The following ARNT2 variants were observed in gnomAD, a reference collection of about 807,000 sequenced individuals.
ARNT2 encodes ARNT protein 2.
In ARNT2, 36 loss-of-function variants were observed where a neutral mutation model predicts 91.7. The observed-to-expected ratio is 0.39, with a 90% confidence interval of 0.30 to 0.52. The LOEUF is 0.52. Ranked by LOEUF, ARNT2 falls within the 20% of genes least tolerant of loss-of-function variation. ARNT2 has a pLI of 0.72. For synonymous variants in ARNT2, 365 were observed against 347.1 expected (o/e 1.05, Z -0.57); for missense variants, 775 against 939.3 (o/e 0.83, Z 2.29).
intron 5 of ARNT2, among the ~76,000 whole-genome samples, chr15:80,497,026 G>T (rs895937500): frequency 3.9e-5 from 6 of 152,176 alleles, no homozygotes; most frequent in African/African-American, 1.4e-4. Context: ...CTTTCACAAC[G>T]TTTGTAATCC....
rs574457092 is a variant in ARNT2, at chr15:80,576,860, TC to T, written c.1514-4del. 1.8e-4 allele frequency: 294 copies of T among 1,614,004 alleles called. No individual in the cohort carries two copies. In the African/African-American group the frequency reaches 3.6e-3, roughly 20 times the overall value. ...TCGCATGTGACTCCTGCTCTGGTTT[TC>T]CTAGCGGAGAAGAAGATGATGAGCT... On this transcript the variant is annotated splice_region_variant and splice_polypyrimidine_tract_variant and intron_variant, in intron 14 of 18. Transcript: ENST00000303329.
intron 5 of ARNT2, among the ~76,000 whole-genome samples, chr15:80,496,386 C>T (rs1595986354): frequency 6.6e-6 from 1 of 152,220 alleles, no homozygotes; most frequent in South Asian, 2.1e-4. Context: ...GAGTTTGACA[C>T]AGCCTGTAAC....
intron 1 of ARNT2, among the ~76,000 whole-genome samples, chr15:80,450,045 A>G (rs1308307459): frequency 6.6e-6 from 1 of 152,154 alleles, no homozygotes; most frequent in African/African-American, 2.4e-5. Flanking sequence ...AGGGTGCCTG[A>G]GCTTAGGAGC....
chr15:80,506,322 A>T (rs114476394), intron 5 of ARNT2, among the ~76,000 whole-genome samples: 30 of 152,374 alleles, frequency 2.0e-4, no homozygotes, highest in African/African-American at 5.8e-4. Flanking sequence ...GTGGTCTTGC[A>T]TGCTAGGAGA....
At chr15:80,558,765 G>A (rs1348424477) in intron 11 of ARNT2, among the ~76,000 whole-genome samples, 1 of 152,236 alleles carries the variant, frequency 6.6e-6, no homozygotes, top group Non-Finnish European at 1.5e-5. Flanking sequence ...GGAAAAATGT[G>A]AAATTGGAAT....
chr15:80,563,324 T>G (rs1898405358), intron 12 of ARNT2, 85 bp downstream of exon 12: 1 of 1,534,858 alleles, frequency 6.5e-7, no homozygotes, highest in South Asian at 1.2e-5. Context: ...GAGTTCTTTC[T>G]CCCTGCCGGC....
At chr15:80,412,038 G>T (rs1567173085) in intron 1 of ARNT2, among the ~76,000 whole-genome samples, 1 of 152,194 alleles carries the variant, frequency 6.6e-6, no homozygotes, top group African/African-American at 2.4e-5. Context: ...CACCCCAACA[G>T]CATTCAGGAA....
chr15:80,436,952 C>G (rs559630504), intron 1 of ARNT2, among the ~76,000 whole-genome samples: 4 of 152,298 alleles, frequency 2.6e-5, no homozygotes, highest in Admixed American at 6.5e-5. Context: ...GCATCCGTCC[C>G]ACTGATGGTC....
At position 80,423,776 on chromosome 15, in the gene ARNT2, C is replaced by CAGAGAGAGAG. The variant is rs3054951; in HGVS notation, c.31+19245_31+19254dup. On this transcript the variant is annotated intron_variant, in intron 1 of 18. Coordinates refer to ENST00000303329, the MANE Select transcript of ARNT2 (RefSeq NM_014862.4). ...TGTGTGAAAGAGAGGGAGAAAGAGG[C>CAGAGAGAGAG]AGAGAGAGAGAGAGAGAGAGAGAGT... Among the ~76,000 whole-genome samples the CAGAGAGAGAG allele has an allele frequency of 2.9e-3, 434 of 148,604 alleles. 2 individuals carry two copies. Among genetic ancestry groups the CAGAGAGAGAG allele is most frequent in the East Asian group, 8.7e-3 (43 of 4,942 alleles).
intron 8 of ARNT2, among the ~76,000 whole-genome samples, chr15:80,531,178 A>G (rs1298856401): frequency 6.6e-6 from 1 of 152,228 alleles, no homozygotes; most frequent in Non-Finnish European, 1.5e-5. Flanking sequence ...TGACAATGTA[A>G]GTCCCCGGAC....
chr15:80,569,862 G>A (rs1345072840), intron 12 of ARNT2, among the ~76,000 whole-genome samples: 2 of 152,232 alleles, frequency 1.3e-5, no homozygotes, highest in Admixed American at 6.5e-5. Flanking sequence ...CCAGGCATCC[G>A]GGGCACAGCT....
intron 1 of ARNT2, among the ~76,000 whole-genome samples, chr15:80,440,174 T>C (rs935892150): frequency 2.0e-5 from 3 of 152,186 alleles, no homozygotes; most frequent in African/African-American, 7.2e-5. Context: ...TTCTGTGTGA[T>C]TGATGACACA....
chr15:80,467,128 C>T lies in ARNT2; in HGVS notation c.195-3090C>T, dbSNP rs370777559. ...GGAGGCTCAATGGAAGGGGTTTAAG[C>T]GAAGGCTCTGGTTTGTATTTTGAGA... On this transcript the variant is annotated intron_variant, in intron 3 of 18. Coordinates refer to ENST00000303329, the MANE Select transcript of ARNT2 (RefSeq NM_014862.4). 3.2e-4 allele frequency among the ~76,000 whole-genome samples: 49 copies of T among 151,700 alleles called. No individual in the cohort carries two copies. The East Asian group carries it at 3.3e-3, about 10-fold the overall frequency.
chr15:80,502,067 A>G (rs1251801803), intron 5 of ARNT2, among the ~76,000 whole-genome samples: 4 of 152,270 alleles, frequency 2.6e-5, no homozygotes, highest in Non-Finnish European at 5.9e-5. Context: ...TGCTCTAACA[A>G]CTGGGTCCCT....
At chr15:80,442,790 C>T in intron 1 of ARNT2, 1 of 946,710 alleles carries the variant, frequency 1.1e-6, no homozygotes, top group Non-Finnish European at 1.3e-6. Flanking sequence ...GCAACTGGCC[C>T]AATCATATTT....
At chr15:80,463,741 G>A (rs1227647520) in intron 3 of ARNT2, among the ~76,000 whole-genome samples, 1 of 152,014 alleles carries the variant, frequency 6.6e-6, no homozygotes, top group Non-Finnish European at 1.5e-5. Flanking sequence ...ACCGCGCCCG[G>A]CTAATTTTTT....
intron 1 of ARNT2, among the ~76,000 whole-genome samples, chr15:80,433,233 A>ATTTTATTTATTTTAT (rs1555455355): frequency 1.0e-5 from 1 of 95,550 alleles, no homozygotes; most frequent in African/African-American, 3.5e-5. Flanking sequence ...ACTATATTTT[A>ATTTTATTTATTTTAT]TTTATTTTAT....
intron 8 of ARNT2, among the ~76,000 whole-genome samples, chr15:80,517,058 T>C (rs1268418761): frequency 3.3e-5 from 5 of 151,944 alleles, no homozygotes; most frequent in East Asian, 3.9e-4. Context: ...TAAAATGTTT[T>C]ATTATATCTT....
At chr15:80,459,299 A>T (rs1266318730) in intron 3 of ARNT2, among the ~76,000 whole-genome samples, 5 of 152,198 alleles carry the variant, frequency 3.3e-5, no homozygotes, top group African/African-American at 4.8e-5. Flanking sequence ...AAAAGCATGT[A>T]TTGTTTTCCC....
Sources: allele counts gnomAD v4.1 joint callset (sites outside exome capture counted in the v4.1 genomes callset), GRCh38; gene constraint gnomAD v4.1.1; transcripts MANE v1.5; gene names NCBI Gene and HGNC (gene_info 2026-07-23, HGNC 2026-07-21).